ASCC3: variants seen among roughly 807,000 people sequenced by gnomAD.
ASCC3 encodes the protein ASC-1 complex subunit P200.
In ASCC3, 158 loss-of-function variants were observed where a neutral mutation model predicts 256.3. The observed-to-expected ratio is 0.62, with a 90% CI of 0.54 to 0.70. ASCC3 has a LOEUF of 0.70. Ranked by LOEUF, ASCC3 falls within the 30% of genes least tolerant of loss-of-function variation. ASCC3 has a pLI of 0.00. For missense variants in ASCC3, 2,259 were observed against 2,626.0 expected, an observed-to-expected ratio of 0.86 and a Z score of 3.05; for synonymous variants, 948 against 883.4, an observed-to-expected ratio of 1.07 and a Z score of -1.30.
intron 14 of ASCC3, among the ~76,000 whole-genome samples, chr6:100,662,914 C>A (rs1776294826): frequency 6.6e-6 from 1 of 152,002 alleles, no homozygotes; most frequent in Non-Finnish European, 1.5e-5. Flanking sequence ...AGAGTCATTA[C>A]AATGCAAGAC....
chr6:100,652,924 C>T (rs373607815), intron 17 of ASCC3, 35 bp from the exon 18 acceptor site: 3 of 1,582,604 alleles, frequency 1.9e-6, no homozygotes, highest in African/African-American at 2.7e-5. Context: ...TTGAATAGTG[C>T]TTTAGAGAGT....
chr6:100,684,422 C>T (rs1322624213), intron 13 of ASCC3, among the ~76,000 whole-genome samples: 2 of 152,190 alleles, frequency 1.3e-5, no homozygotes, highest in Non-Finnish European at 2.9e-5. Context: ...AATCCCCTTC[C>T]TGACTATATA....
chr6:100,805,676 T>G, intron 5 of ASCC3, 84 bp downstream of exon 5: 1 of 1,480,826 alleles, frequency 6.8e-7, no homozygotes, highest in African/African-American at 1.4e-5. Flanking sequence ...CCAAAACATA[T>G]TTTAAAATGT....
chr6:100,528,529 C>A (rs568577529), intron 37 of ASCC3, among the ~76,000 whole-genome samples: 3 of 152,046 alleles, frequency 2.0e-5, no homozygotes, highest in East Asian at 1.9e-4. Context: ...ATCTCACATG[C>A]GAAAGAGAAG....
At chr6:100,753,917 T>G (rs1334130564) in intron 10 of ASCC3, among the ~76,000 whole-genome samples, 4 of 152,180 alleles carry the variant, frequency 2.6e-5, no homozygotes, top group Non-Finnish European at 5.9e-5. Flanking sequence ...ATATTTAATA[T>G]TAATTACTAA....
intron 1 of ASCC3, among the ~76,000 whole-genome samples, chr6:100,871,055 C>A (rs954779651): frequency 6.6e-6 from 1 of 151,860 alleles, no homozygotes; most frequent in African/African-American, 2.4e-5. Context: ...GGTCAAGGAT[C>A]GTAGTTGAGA....
chr6:100,840,577 G>A (rs1772097547), intron 4 of ASCC3, among the ~76,000 whole-genome samples: 2 of 143,852 alleles, frequency 1.4e-5, no homozygotes, highest in African/African-American at 5.3e-5. Flanking sequence ...ATTTATAACA[G>A]TAAAAAACTA....
chr6:100,873,301 T>C (rs184086360), intron 1 of ASCC3, among the ~76,000 whole-genome samples: 1 of 152,158 alleles, frequency 6.6e-6, no homozygotes, highest in East Asian at 1.9e-4. Context: ...CAAGGTTTTC[T>C]AATTAACCCA....
At chr6:100,798,478 A>C (rs886725472) in intron 8 of ASCC3, among the ~76,000 whole-genome samples, 2 of 152,096 alleles carry the variant, frequency 1.3e-5, no homozygotes, top group East Asian at 3.8e-4. Flanking sequence ...TAGCTGAAAA[A>C]AAACATGAAA....
chr6:100,761,257 G>A lies in ASCC3; in HGVS notation c.1737+5308C>T, dbSNP rs148263419. 2.4e-4 allele frequency among the ~76,000 whole-genome samples: 36 copies of A among 152,238 alleles called. No individual in the cohort carries two copies. In the East Asian group the frequency reaches 6.4e-3, roughly 27 times the overall value. ...TATAATCCTAGCACTTTAGGAGGCCGAGGCAAGAGGACTACTTGAGCCAGG... is the reference window on the plus strand; with the variant it reads ...TATAATCCTAGCACTTTAGGAGGCCAAGGCAAGAGGACTACTTGAGCCAGG... On this transcript the variant is annotated intron_variant, in intron 10 of 41. Transcript: ENST00000369162.
intron 11 of ASCC3, among the ~76,000 whole-genome samples, chr6:100,719,122 A>G (rs1344952820): frequency 1.3e-5 from 2 of 152,152 alleles, no homozygotes; most frequent in Admixed American, 6.6e-5. Context: ...AATAAGACAT[A>G]GATCCACACA....
chr6:100,714,077 C>T (rs749337439), intron 13 of ASCC3, among the ~76,000 whole-genome samples: 44 of 152,282 alleles, frequency 2.9e-4, no homozygotes, highest in Middle Eastern at 6.8e-3. Context: ...AGCAAGCCGC[C>T]TATTTTTGTA....
At chr6:100,577,889 G>C (rs1408304845) in intron 36 of ASCC3, among the ~76,000 whole-genome samples, 27 of 151,894 alleles carry the variant, frequency 1.8e-4, no homozygotes. Context: ...ATAGTCTGTG[G>C]GTAGAATAGT....
intron 36 of ASCC3, among the ~76,000 whole-genome samples, chr6:100,588,297 T>C (rs542347930): frequency 6.6e-6 from 1 of 152,288 alleles, no homozygotes; most frequent in East Asian, 1.9e-4. Flanking sequence ...CAGAAAAGTA[T>C]GGTTAAATGT....
intron 11 of ASCC3, among the ~76,000 whole-genome samples, chr6:100,722,965 G>A (rs1400061047): frequency 6.6e-6 from 1 of 151,516 alleles, no homozygotes; most frequent in Admixed American, 6.6e-5. Flanking sequence ...ATTAAAAAAA[G>A]AGCTTCAATG....
chr6:100,712,423 A>C (rs944872406), intron 13 of ASCC3, among the ~76,000 whole-genome samples: 3 of 152,214 alleles, frequency 2.0e-5, no homozygotes, highest in African/African-American at 7.2e-5. Context: ...CCCAACAATA[A>C]GAAAATGAAC....
At chr6:100,559,589 C>T (rs1424115616) in intron 36 of ASCC3, among the ~76,000 whole-genome samples, 1 of 152,144 alleles carries the variant, frequency 6.6e-6, no homozygotes, top group African/African-American at 2.4e-5. Context: ...GTGGCTCACG[C>T]CTGTAATCCT....
chr6:100,720,834 C>A (rs997765305), intron 11 of ASCC3, among the ~76,000 whole-genome samples: 10 of 147,618 alleles, frequency 6.8e-5, no homozygotes, highest in African/African-American at 2.5e-4. Flanking sequence ...ATATGATATA[C>A]ACTTATATAT....
At chr6:100,684,958 C>T (rs1777497815) in intron 13 of ASCC3, among the ~76,000 whole-genome samples, 1 of 151,962 alleles carries the variant, frequency 6.6e-6, no homozygotes, top group African/African-American at 2.4e-5. Flanking sequence ...AGGCACCCGC[C>T]ACCACGCCCG....
Sources: gnomAD v4.1 joint callset for allele counts (sites outside exome capture counted in the v4.1 genomes callset) on GRCh38, gnomAD v4.1.1 for gene constraint, MANE v1.5 for transcripts, NCBI Gene and HGNC (gene_info 2026-07-23, HGNC 2026-07-21) for gene names.